The following RANBP17 variants were observed in gnomAD, a reference collection of about 807,000 sequenced individuals.
RANBP17 encodes RAN binding protein 17.
In RANBP17, 158 loss-of-function variants were observed where a neutral mutation model predicts 141.2. The observed-to-expected ratio is 1.12, with a 90% CI of 0.98 to 1.28. The LOEUF is 1.28. Ranked by LOEUF, RANBP17 falls within the 50% of genes most tolerant of loss-of-function variation. The pLI, the probability that RANBP17 is intolerant of heterozygous loss-of-function variation, is 0.00. For synonymous variants in RANBP17, 430 were observed against 450.0 expected (o/e 0.96, Z 0.56); for missense variants, 1,438 against 1,290.7 (o/e 1.11, Z -1.75).
At chr5:171,221,604 C>T (rs1035882437) in intron 21 of RANBP17, among the ~76,000 whole-genome samples, 154 bp from the exon 22 acceptor site, 42 of 152,142 alleles carry the variant, frequency 2.8e-4, no homozygotes, top group African/African-American at 9.2e-4. Context: ...AATTAGCATA[C>T]GTATTTTATC....
At chr5:170,971,081 A>T (rs969753638) in intron 14 of RANBP17, among the ~76,000 whole-genome samples, 5 of 152,202 alleles carry the variant, frequency 3.3e-5, no homozygotes, top group Non-Finnish European at 1.5e-5. Context: ...TTGGAAAATG[A>T]TGCTGACTTG....
intron 14 of RANBP17, among the ~76,000 whole-genome samples, chr5:171,002,701 G>A (rs905129112): frequency 2.0e-5 from 3 of 152,162 alleles, no homozygotes; most frequent in Admixed American, 2.0e-4. Context: ...GATAGATGTG[G>A]AAGATACTAT....
At chr5:170,983,320 G>C in intron 14 of RANBP17, 1 of 245,716 alleles carries the variant, frequency 4.1e-6, no homozygotes, top group Non-Finnish European at 7.9e-6. Context: ...CAGGTTGAGA[G>C]GAATTGAGTT....
At chr5:171,148,163 T>C (rs1426686511) in intron 14 of RANBP17, among the ~76,000 whole-genome samples, 1 of 152,060 alleles carries the variant, frequency 6.6e-6, no homozygotes, top group Non-Finnish European at 1.5e-5. Context: ...GTGCAAGATG[T>C]GCTTTGTTAA....
chr5:170,874,757 C>T (rs1768039983), intron 1 of RANBP17, among the ~76,000 whole-genome samples: 1 of 152,042 alleles, frequency 6.6e-6, no homozygotes, highest in Admixed American at 6.6e-5. Flanking sequence ...ATACAGTACA[C>T]TGATGGGACT....
chr5:171,273,560 T>G (rs1185557936), intron 25 of RANBP17, among the ~76,000 whole-genome samples: 1 of 152,218 alleles, frequency 6.6e-6, no homozygotes, highest in Non-Finnish European at 1.5e-5. Context: ...GCCAGATACA[T>G]TGAAATTTCT....
intron 13 of RANBP17, among the ~76,000 whole-genome samples, chr5:170,962,678 G>A (rs909256376): frequency 7.2e-5 from 11 of 151,964 alleles, no homozygotes; most frequent in African/African-American, 2.4e-4. Context: ...GAAGATAAAC[G>A]TATCACACAT....
chr5:171,087,151 C>T (rs2127719726), intron 14 of RANBP17, among the ~76,000 whole-genome samples: 2 of 148,088 alleles, frequency 1.4e-5, no homozygotes, highest in South Asian at 4.4e-4. Context: ...CCCAGAGATT[C>T]TGGTATGTTG....
At chr5:171,190,657 G>A (rs1469187431) in intron 18 of RANBP17, among the ~76,000 whole-genome samples, 2 of 152,102 alleles carry the variant, frequency 1.3e-5, no homozygotes, top group African/African-American at 4.8e-5. Context: ...AGTATTACCC[G>A]AGCCAGTAAA....
At chr5:170,929,579 T>A (rs1257464859) in intron 12 of RANBP17, among the ~76,000 whole-genome samples, 3 of 152,206 alleles carry the variant, frequency 2.0e-5, no homozygotes, top group African/African-American at 7.2e-5. Context: ...TACTTGGTCA[T>A]AATATAATGT....
chr5:171,078,134 CTTTTT>C (rs11331471), intron 14 of RANBP17, among the ~76,000 whole-genome samples: 1 of 122,806 alleles, frequency 8.1e-6, no homozygotes, highest in Admixed American at 8.2e-5. Context: ...TCTTTTCTTT[CTTTTT>C]TTTTTTTTTT....
chr5:171,275,272 AAT>A (rs1767415258), intron 25 of RANBP17, among the ~76,000 whole-genome samples: 1 of 152,332 alleles, frequency 6.6e-6, no homozygotes, highest in East Asian at 1.9e-4. Flanking sequence ...AAACCATTTA[AAT>A]ATGTTACCAT....
chr5:171,261,511 G>A (rs1348012302), intron 24 of RANBP17, among the ~76,000 whole-genome samples: 1 of 152,150 alleles, frequency 6.6e-6, no homozygotes, highest in African/African-American at 2.4e-5. Context: ...TCTCAGTTAA[G>A]CAATTCTTTC....
intron 14 of RANBP17, among the ~76,000 whole-genome samples, chr5:171,126,699 G>A (rs562424103): frequency 1.3e-5 from 2 of 151,504 alleles, no homozygotes; most frequent in African/African-American, 2.4e-5. Flanking sequence ...ACAAAAATAC[G>A]CTAACAAAAT....
chr5:171,246,177 G>A (rs141894391), intron 24 of RANBP17, among the ~76,000 whole-genome samples: 2 of 152,200 alleles, frequency 1.3e-5, no homozygotes, highest in East Asian at 1.9e-4. Flanking sequence ...CACCGCACCC[G>A]GCCTTTTCTC....
At position 170,909,807 on chromosome 5, in the gene RANBP17, G is replaced by T. The variant is rs773309406; in HGVS notation, c.594+42G>T. The T allele has an allele frequency of 3.7e-6, 4 of 1,074,588 alleles. No individual in the cohort carries two copies. The South Asian group carries it at 4.0e-5, about 11-fold the overall frequency. 66.6% of individuals were successfully genotyped at this position (1,074,588 alleles called of 1,614,324 possible). A position where few individuals can be genotyped will look rare whatever the true frequency, so the allele number is the denominator to read the frequency against. On this transcript the variant is annotated intron_variant, in intron 6 of 27. Transcript: ENST00000523189. ...TTCAACTTCCTAGTTAGAATATTTGGGAAATTTTAAGAGTTTCAAAAGAAT... is the reference window on the plus strand; with the variant it reads ...TTCAACTTCCTAGTTAGAATATTTGTGAAATTTTAAGAGTTTCAAAAGAAT...
intron 14 of RANBP17, among the ~76,000 whole-genome samples, chr5:171,108,699 A>C (rs975143759): frequency 6.6e-6 from 1 of 152,182 alleles, no homozygotes; most frequent in South Asian, 2.1e-4. Context: ...TGCATGAGCC[A>C]CCACCCCCAG....
At position 171,245,964 on chromosome 5, in the gene RANBP17, C is replaced by T. The variant is rs192021907; in HGVS notation, c.2776+3144C>T. On this transcript the variant is annotated intron_variant, in intron 24 of 27. Coordinates refer to ENST00000523189, the MANE Select transcript of RANBP17 (RefSeq NM_022897.5). ...CATGATCTCGGCTCACTGCAACCTCCGCCTCCTGGGTTCAAACAATTCTTC... is the reference window on the plus strand; with the variant it reads ...CATGATCTCGGCTCACTGCAACCTCTGCCTCCTGGGTTCAAACAATTCTTC... 1.9e-4 allele frequency among the ~76,000 whole-genome samples: 29 copies of T among 151,564 alleles called. No homozygotes were observed. The East Asian group carries it at 5.1e-3, about 27-fold the overall frequency.
intron 14 of RANBP17, among the ~76,000 whole-genome samples, chr5:171,037,927 T>C (rs2127629273): frequency 6.6e-6 from 1 of 152,224 alleles, no homozygotes; most frequent in East Asian, 1.9e-4. Context: ...TCTGTATGAA[T>C]TTTAGAATAG....
Sources: allele counts gnomAD v4.1 joint callset (sites outside exome capture counted in the v4.1 genomes callset), GRCh38; gene constraint gnomAD v4.1.1; transcripts MANE v1.5; gene names NCBI Gene and HGNC (gene_info 2026-07-23, HGNC 2026-07-21).